Variants in TDRD5 observed in about 807,000 individuals in gnomAD.
TDRD5 encodes the protein tudor domain-containing protein 5.
A neutral mutation model predicts 120.6 loss-of-function variants in TDRD5; 41 were observed. The observed-to-expected ratio is 0.34, with a 90% confidence interval of 0.26 to 0.44. TDRD5 has a LOEUF of 0.44. Ranked by LOEUF, TDRD5 falls within the 20% of genes least tolerant of loss-of-function variation. The pLI is 1.00. For synonymous variants in TDRD5, 430 were observed against 433.7 expected (o/e 0.99, Z 0.11); for missense variants, 1,006 against 1,221.2 (o/e 0.82, Z 2.63).
chr1:179,603,765 G>A (rs533433289), intron 4 of TDRD5, among the ~76,000 whole-genome samples: 83 of 152,236 alleles, frequency 5.5e-4, no homozygotes, highest in African/African-American at 1.8e-3. Context: ...ATATGTTGTT[G>A]CATTTGGTTA....
chr1:179,668,180 T>C (rs1156481139), intron 16 of TDRD5, among the ~76,000 whole-genome samples: 1 of 152,224 alleles, frequency 6.6e-6, no homozygotes, highest in East Asian at 1.9e-4. Flanking sequence ...TGGCACTCCC[T>C]TCATTTAAGC....
At chr1:179,595,198 T>C (rs879913064) in intron 3 of TDRD5, among the ~76,000 whole-genome samples, 9 of 152,190 alleles carry the variant, frequency 5.9e-5, no homozygotes, top group Non-Finnish European at 1.3e-4. Flanking sequence ...GAAGAATTTA[T>C]ATTTTATATT....
chr1:179,594,137 C>T (rs912794769), intron 3 of TDRD5, among the ~76,000 whole-genome samples: 12 of 152,096 alleles, frequency 7.9e-5, no homozygotes, highest in Admixed American at 6.5e-4. Flanking sequence ...TAAGTGGTAG[C>T]TATTATTATT....
chr1:179,685,078 G>C (rs1285852127), intron 17 of TDRD5, among the ~76,000 whole-genome samples: 1 of 152,160 alleles, frequency 6.6e-6, no homozygotes, highest in African/African-American at 2.4e-5. Flanking sequence ...TTTGGCTTTT[G>C]TTGCCGTTGC....
chr1:179,616,719 A>G (rs1336532577), intron 4 of TDRD5, among the ~76,000 whole-genome samples: 3 of 152,082 alleles, frequency 2.0e-5, no homozygotes, highest in African/African-American at 7.2e-5. Context: ...AGTTCCTTCT[A>G]CCTTCAATGT....
At chr1:179,604,041 A>G (rs1036989566) in intron 4 of TDRD5, among the ~76,000 whole-genome samples, 1 of 152,078 alleles carries the variant, frequency 6.6e-6, no homozygotes, top group Non-Finnish European at 1.5e-5. Flanking sequence ...TTAAATTACC[A>G]TTTCAATTTC....
chr1:179,652,306 GCA>G (rs1320843271), intron 13 of TDRD5, 109 bp downstream of exon 13: 1 of 1,109,736 alleles, frequency 9.0e-7, no homozygotes, highest in Non-Finnish European at 1.3e-6. Context: ...TGGAAATTTT[GCA>G]CAGTGATCTT....
At chr1:179,625,598 T>C (rs1558387654) in intron 6 of TDRD5, among the ~76,000 whole-genome samples, 1 of 152,218 alleles carries the variant, frequency 6.6e-6, no homozygotes, top group Non-Finnish European at 1.5e-5. Context: ...GTGGAAAATG[T>C]TCTTACAATT....
At chr1:179,683,535 G>A (rs184334248) in intron 17 of TDRD5, among the ~76,000 whole-genome samples, 47 of 152,068 alleles carry the variant, frequency 3.1e-4, no homozygotes, top group Non-Finnish European at 4.7e-4. Context: ...AATCCTCCTC[G>A]AACATAACTC....
intron 14 of TDRD5, among the ~76,000 whole-genome samples, chr1:179,655,386 T>C (rs929283887): frequency 6.6e-6 from 1 of 152,204 alleles, no homozygotes; most frequent in Non-Finnish European, 1.5e-5. Flanking sequence ...GGCCAAGTAT[T>C]ATAGTACACT....
chr1:179,679,478 C>T (rs12562640), intron 17 of TDRD5, among the ~76,000 whole-genome samples: 5,766 of 151,968 alleles, frequency 0.038, 169 homozygotes, highest in East Asian at 0.11. Context: ...TGGTAGAATT[C>T]AATAATGAGG....
chr1:179,618,558 CA>C (rs1558382871), intron 4 of TDRD5, 40 bp from the exon 5 acceptor site: 5 of 1,490,812 alleles, frequency 3.4e-6, no homozygotes, highest in African/African-American at 1.4e-5. Flanking sequence ...TTTCTTTGGT[CA>C]GGGGGACTGT....
At chr1:179,630,061 G>C (rs942830986) in intron 6 of TDRD5, among the ~76,000 whole-genome samples, 2 of 150,450 alleles carry the variant, frequency 1.3e-5, no homozygotes, top group African/African-American at 4.9e-5. Context: ...CTCACTGCAA[G>C]CTCCACCTCC....
intron 12 of TDRD5, among the ~76,000 whole-genome samples, chr1:179,651,626 A>G (rs751517707): frequency 3.9e-5 from 6 of 152,216 alleles, no homozygotes; most frequent in Non-Finnish European, 7.3e-5. Context: ...TAAAATTTGG[A>G]AGATAGGCTG....
intron 6 of TDRD5, among the ~76,000 whole-genome samples, chr1:179,623,625 C>CTTTTTTTTTTTTT (rs11428251): frequency 1.0e-5 from 1 of 97,898 alleles, no homozygotes; most frequent in Non-Finnish European, 1.9e-5. Context: ...CCAACTCATT[C>CTTTTTTTTTTTTT]TTTTTTTTTT....
At chr1:179,659,808 C>T (rs1679203077) in intron 14 of TDRD5, among the ~76,000 whole-genome samples, 1 of 151,986 alleles carries the variant, frequency 6.6e-6, no homozygotes, top group Admixed American at 6.6e-5. Flanking sequence ...AGCAATTCTC[C>T]TGCCTCAGCC....
intron 13 of TDRD5, 144 bp downstream of exon 13, chr1:179,652,341 T>G: frequency 1.2e-6 from 1 of 821,716 alleles, no homozygotes; most frequent in Non-Finnish European, 1.9e-6. Flanking sequence ...CTTTATTTGC[T>G]GGCTTAAGTG....
intron 7 of TDRD5, among the ~76,000 whole-genome samples, chr1:179,634,225 C>T (rs1018681808): frequency 6.6e-6 from 1 of 152,018 alleles, no homozygotes; most frequent in Non-Finnish European, 1.5e-5. Context: ...CCTCCCTCCC[C>T]CTAGCACAAA....
chr1:179,592,878 C>T (rs377346928), intron 2 of TDRD5, 31 bp downstream of exon 2: 19 of 1,588,376 alleles, frequency 1.2e-5, no homozygotes, highest in Admixed American at 3.4e-5. Flanking sequence ...GGTCTATAAA[C>T]TTTGTAATAA....
Sources: gnomAD v4.1 joint callset for allele counts (sites outside exome capture counted in the v4.1 genomes callset) on GRCh38, gnomAD v4.1.1 for gene constraint, MANE v1.5 for transcripts, NCBI Gene and HGNC (gene_info 2026-07-23, HGNC 2026-07-21) for gene names.